ARNT2: variants seen among roughly 807,000 people sequenced by gnomAD.
ARNT2 encodes aryl hydrocarbon receptor nuclear translocator 2.
A neutral mutation model predicts 91.7 loss-of-function variants in ARNT2; 36 were observed. That is an observed-to-expected ratio of 0.39 (90% CI 0.30 to 0.52). The LOEUF is 0.52. Ranked by LOEUF, ARNT2 falls within the 20% of genes least tolerant of loss-of-function variation. The pLI is 0.72. For synonymous variants in ARNT2, 365 were observed against 347.1 expected (o/e 1.05, Z -0.57); for missense variants, 775 against 939.3 (o/e 0.83, Z 2.29).
chr15:80,524,647 C>T (rs1006658872), intron 8 of ARNT2, among the ~76,000 whole-genome samples: 6 of 152,056 alleles, frequency 3.9e-5, no homozygotes, highest in East Asian at 1.9e-4. Context: ...GAGGCCGAGG[C>T]GGGCGATTCA....
intron 4 of ARNT2, among the ~76,000 whole-genome samples, chr15:80,474,659 A>T (rs1283627789): frequency 6.6e-6 from 1 of 151,996 alleles, no homozygotes; most frequent in Non-Finnish European, 1.5e-5. Context: ...CTCCAATGAC[A>T]TGACTACAGT....
At chr15:80,443,887 G>T (rs1896236014) in intron 1 of ARNT2, among the ~76,000 whole-genome samples, 1 of 152,238 alleles carries the variant, frequency 6.6e-6, no homozygotes, top group African/African-American at 2.4e-5. Flanking sequence ...GAACCAGCAA[G>T]GGGAAGCAGC....
At chr15:80,443,097 C>T (rs1896219880) in intron 1 of ARNT2, 11 of 899,986 alleles carry the variant, frequency 1.2e-5, no homozygotes, top group African/African-American at 1.8e-5. Flanking sequence ...AGACAGGCCT[C>T]CTTGAGGAGT....
chr15:80,577,549 C>T (rs779097324), intron 15 of ARNT2, among the ~76,000 whole-genome samples: 2 of 152,220 alleles, frequency 1.3e-5, no homozygotes, highest in Non-Finnish European at 2.9e-5. Flanking sequence ...CTGGGAAGAA[C>T]GGTCAGAGAA....
chr15:80,584,933 G>T (rs116811981), intron 17 of ARNT2, among the ~76,000 whole-genome samples: 35 of 152,222 alleles, frequency 2.3e-4, no homozygotes, highest in African/African-American at 7.5e-4. Context: ...GGCAGACATC[G>T]AGTTGTGACA....
intron 8 of ARNT2, among the ~76,000 whole-genome samples, chr15:80,518,799 C>G (rs551295482): frequency 3.9e-5 from 6 of 152,290 alleles, no homozygotes; most frequent in Admixed American, 1.3e-4. Flanking sequence ...AATTGAGTAA[C>G]TCCTCTTTTC....
At chr15:80,422,797 CAT>C (rs1300248163) in intron 1 of ARNT2, among the ~76,000 whole-genome samples, 2 of 152,096 alleles carry the variant, frequency 1.3e-5, no homozygotes, top group Admixed American at 6.5e-5. Context: ...CAACCACCAA[CAT>C]GTGATATTAT....
rs79685127 is a variant in ARNT2, at chr15:80,470,202, C to G, written c.195-16C>G. The G allele has an allele frequency of 1.9e-6, 3 of 1,610,448 alleles. No individual in the cohort carries two copies. Among genetic ancestry groups the G allele is most frequent in the South Asian group, 1.1e-5 (1 of 90,564 alleles). On this transcript the variant is annotated splice_polypyrimidine_tract_variant and intron_variant, in intron 3 of 18. Transcript: ENST00000303329. ...CTCTTTTTTCCCCCTCTCCTGATCT[C>G]GTGCTTTCTGGAAAGAGAGAATCAT...
chr15:80,453,134 C>T (rs966867288), intron 2 of ARNT2, among the ~76,000 whole-genome samples: 3 of 152,286 alleles, frequency 2.0e-5, no homozygotes, highest in Non-Finnish European at 2.9e-5. Flanking sequence ...ACACACACAG[C>T]GTGGCACTGG....
chr15:80,457,025 T>C (rs987668967), intron 2 of ARNT2, among the ~76,000 whole-genome samples: 3 of 152,230 alleles, frequency 2.0e-5, no homozygotes, highest in African/African-American at 4.8e-5. Context: ...CCAGGAAAGC[T>C]CAGACATCTG....
chr15:80,429,876 A>G (rs1026281350), intron 1 of ARNT2, among the ~76,000 whole-genome samples: 1 of 152,162 alleles, frequency 6.6e-6, no homozygotes, highest in Admixed American at 6.5e-5. Flanking sequence ...ACCAGATATC[A>G]TGACTGCCCT....
intron 4 of ARNT2, among the ~76,000 whole-genome samples, chr15:80,474,590 C>T (rs1180686806): frequency 6.6e-6 from 1 of 152,198 alleles, no homozygotes; most frequent in African/African-American, 2.4e-5. Flanking sequence ...TTCCCCTTCC[C>T]CTTCCCTTCC....
chr15:80,527,915 C>G (rs945278649), intron 8 of ARNT2, among the ~76,000 whole-genome samples: 1 of 151,406 alleles, frequency 6.6e-6, no homozygotes, highest in Non-Finnish European at 1.5e-5. Flanking sequence ...GTGTGCTAAG[C>G]CTGAGAGTTT....
chr15:80,482,102 G>A (rs1257705274), intron 5 of ARNT2, among the ~76,000 whole-genome samples: 1 of 152,136 alleles, frequency 6.6e-6, no homozygotes, highest in Admixed American at 6.5e-5. Flanking sequence ...TAGAGATGAG[G>A]TCTTGCCATC....
At chr15:80,514,024 T>G (rs1372275274) in intron 7 of ARNT2, 48 bp downstream of exon 7, 1 of 1,536,716 alleles carries the variant, frequency 6.5e-7, no homozygotes, top group Non-Finnish European at 9.0e-7. Flanking sequence ...TGGTAGATAG[T>G]CTAAACACCC....
At chr15:80,487,203 C>T (rs527927273) in intron 5 of ARNT2, among the ~76,000 whole-genome samples, 12 of 152,320 alleles carry the variant, frequency 7.9e-5, no homozygotes, top group South Asian at 6.2e-4. Context: ...CATCTCTCTT[C>T]GCCTGCCTTT....
chr15:80,515,796 G>GTA (rs1224005176), intron 8 of ARNT2, among the ~76,000 whole-genome samples: 5 of 148,338 alleles, frequency 3.4e-5, no homozygotes, highest in African/African-American at 1.2e-4. Context: ...CCAGAATGTA[G>GTA]TATATATATC....
At chr15:80,406,439 G>GA in intron 1 of ARNT2, among the ~76,000 whole-genome samples, 1 of 152,214 alleles carries the variant, frequency 6.6e-6, no homozygotes. Flanking sequence ...TATGAAATTA[G>GA]AAAAAGCAAA....
At chr15:80,432,381 A>G (rs1896024073) in intron 1 of ARNT2, among the ~76,000 whole-genome samples, 1 of 152,216 alleles carries the variant, frequency 6.6e-6, no homozygotes. Context: ...TGTATGGGCC[A>G]TGAGCTGAGA....
Sources: allele counts gnomAD v4.1 joint callset (sites outside exome capture counted in the v4.1 genomes callset), GRCh38; gene constraint gnomAD v4.1.1; transcripts MANE v1.5; gene names NCBI Gene and HGNC (gene_info 2026-07-23, HGNC 2026-07-21).